The following USP10 variants were observed in gnomAD, a reference collection of about 807,000 sequenced individuals.
USP10 encodes the protein ubiquitin specific peptidase 10, also known as ubiquitin carboxyl-terminal hydrolase 10.
Under a neutral mutation model 84.5 loss-of-function variants are expected in USP10, and 22 were observed. The observed-to-expected ratio is 0.26, with a 90% CI of 0.19 to 0.37. The LOEUF (loss-of-function observed/expected upper bound fraction) is 0.37. Among genes scored for constraint, USP10 ranks in the 10% least tolerant of loss-of-function variants. The pLI is 1.00. For missense variants in USP10, 1,019 were observed against 998.9 expected (o/e 1.02, Z -0.27); for synonymous variants, 454 against 387.6 (o/e 1.17, Z -2.01).
At position 84,700,008 on chromosome 16, in the gene USP10, A is replaced by C. The variant is rs1265061293; in HGVS notation, c.-83A>C. ...GGCGCGGCGGCCGATGCGAGTGTGT[A>C]TGTGCGGGCGAGAAGATGGCGGCGG... On this transcript the variant is annotated 5_prime_UTR_variant, in exon 1 of 14. It removes an upstream start codon present in the reference 5' UTR. Transcript: ENST00000219473. 8.2e-5 allele frequency: 103 copies of C among 1,262,970 alleles called. No individual in the cohort carries two copies. Among genetic ancestry groups the C allele is most frequent in the Non-Finnish European group, 1.0e-4 (98 of 966,802 alleles). 78.2% of individuals were successfully genotyped at this position (1,262,970 alleles called of 1,614,324 possible).
chr16:84,772,004 A>G (rs1367405954), intron 11 of USP10, among the ~76,000 whole-genome samples: 1 of 152,206 alleles, frequency 6.6e-6, no homozygotes, highest in Non-Finnish European at 1.5e-5. Context: ...CAGGGACCCA[A>G]GAGGCTCTCT....
At chr16:84,753,758 TA>T (rs1453267328) in intron 4 of USP10, among the ~76,000 whole-genome samples, 1 of 152,234 alleles carries the variant, frequency 6.6e-6, no homozygotes, top group East Asian at 1.9e-4. Context: ...TCATTTGCCG[TA>T]ACCAACAACT....
intron 2 of USP10, 59 bp from the exon 3 acceptor site, chr16:84,740,250 G>T: frequency 1.4e-6 from 2 of 1,476,174 alleles, no homozygotes; most frequent in Non-Finnish European, 1.9e-6. Flanking sequence ...TAATTAAATG[G>T]TAAGCGTTGG....
intron 3 of USP10, among the ~76,000 whole-genome samples, chr16:84,743,925 C>T (rs540127641): frequency 1.2e-4 from 19 of 152,096 alleles, no homozygotes; most frequent in Non-Finnish European, 2.5e-4. Context: ...ATTTAGAGGA[C>T]GTTTGCATGT....
At position 84,752,898 on chromosome 16, in the gene USP10, G is replaced by T. The variant is rs545264629; in HGVS notation, c.1193-5818G>T. ...GTTTGGATCTTAAGAGAAAATCTTT[G>T]ACAATAAGTATTTAATCTTCATTTC... On this transcript the variant is annotated intron_variant, in intron 4 of 13. Transcript: ENST00000219473. 2.6e-5 allele frequency among the ~76,000 whole-genome samples: 4 copies of T among 152,256 alleles called. No homozygotes were observed. The East Asian group carries it at 7.7e-4, about 29-fold the overall frequency.
intron 1 of USP10, among the ~76,000 whole-genome samples, chr16:84,715,787 G>C (rs1052763389): frequency 4.6e-5 from 7 of 152,110 alleles, no homozygotes; most frequent in African/African-American, 1.7e-4. Context: ...TTACAGTTTT[G>C]AGGACGTGGC....
At chr16:84,764,040 T>G (rs766044773) in intron 9 of USP10, 46 bp from the exon 10 acceptor site, 1 of 1,540,542 alleles carries the variant, frequency 6.5e-7, no homozygotes, top group Non-Finnish European at 8.7e-7. Flanking sequence ...TTTTTTTTGC[T>G]GTTCTTGTCG....
chr16:84,747,132 T>G (rs1043957598), intron 4 of USP10, among the ~76,000 whole-genome samples: 1 of 152,216 alleles, frequency 6.6e-6, no homozygotes, highest in African/African-American at 2.4e-5. Context: ...CGCGTGACTG[T>G]ACGTACCTAA....
chr16:84,763,121 C>T, intron 9 of USP10, 33 bp downstream of exon 9: 1 of 1,450,670 alleles, frequency 6.9e-7, no homozygotes, highest in Non-Finnish European at 9.6e-7. Context: ...CAGAGTTGTG[C>T]AAGAGTTCGC....
intron 10 of USP10, 147 bp downstream of exon 10, chr16:84,764,410 C>A: frequency 9.1e-7 from 1 of 1,096,836 alleles, no homozygotes; most frequent in Non-Finnish European, 1.3e-6. Context: ...TCTTGCACTT[C>A]CTGATGCTTC....
chr16:84,704,455 T>C (rs549203959), intron 1 of USP10, among the ~76,000 whole-genome samples: 2 of 152,386 alleles, frequency 1.3e-5, no homozygotes, highest in African/African-American at 4.8e-5. Flanking sequence ...TTTGTCACTT[T>C]AGTGCCACTT....
At chr16:84,739,097 T>C (rs570999124) in intron 2 of USP10, among the ~76,000 whole-genome samples, 8 of 151,944 alleles carry the variant, frequency 5.3e-5, no homozygotes, top group South Asian at 4.2e-4. Context: ...CTTGTGCTGT[T>C]GCCCAGGCTG....
intron 13 of USP10, 105 bp downstream of exon 13, chr16:84,775,330 C>T: frequency 1.8e-6 from 2 of 1,123,856 alleles, no homozygotes; most frequent in Non-Finnish European, 2.7e-6. Context: ...AGATGCTGTA[C>T]TCAGGTATCC....
At chr16:84,706,125 C>G (rs1905469024) in intron 1 of USP10, among the ~76,000 whole-genome samples, 1 of 152,130 alleles carries the variant, frequency 6.6e-6, no homozygotes, top group African/African-American at 2.4e-5. Context: ...CAAGGGATCC[C>G]TTCTGCTTCA....
intron 13 of USP10, among the ~76,000 whole-genome samples, chr16:84,776,467 T>G (rs1399293960): frequency 6.6e-6 from 1 of 152,220 alleles, no homozygotes; most frequent in Non-Finnish European, 1.5e-5. Context: ...GGGCCTCAGA[T>G]GGGACGGCCA....
chr16:84,735,605 C>G (rs1038942264), intron 2 of USP10, among the ~76,000 whole-genome samples: 14 of 151,902 alleles, frequency 9.2e-5, no homozygotes, highest in African/African-American at 3.4e-4. Context: ...ATGTATGGTC[C>G]GATAACTAGT....
chr16:84,749,976 G>A (rs1477978790), intron 4 of USP10, among the ~76,000 whole-genome samples: 1 of 152,138 alleles, frequency 6.6e-6, no homozygotes, highest in Non-Finnish European at 1.5e-5. Flanking sequence ...TGAATACTCA[G>A]TGATTTCCTT....
intron 1 of USP10, among the ~76,000 whole-genome samples, chr16:84,731,123 G>GTGC (rs1211673661): frequency 6.6e-6 from 1 of 151,858 alleles, no homozygotes; most frequent in African/African-American, 2.4e-5. Context: ...GGGACTACAG[G>GTGC]TGCATGCCAC....
chr16:84,710,862 C>A (rs548003412), intron 1 of USP10, among the ~76,000 whole-genome samples: 20 of 152,162 alleles, frequency 1.3e-4, no homozygotes, highest in Non-Finnish European at 2.9e-4. Context: ...TGCAGGTCGT[C>A]CGCATGGGTT....
Sources: allele counts gnomAD v4.1 joint callset (sites outside exome capture counted in the v4.1 genomes callset), GRCh38; gene constraint gnomAD v4.1.1; transcripts MANE v1.5; gene names NCBI Gene and HGNC (gene_info 2026-07-23, HGNC 2026-07-21).